Variants in AFG1L observed in about 807,000 individuals in gnomAD.
AFG1L encodes the protein AFG1-like ATPase.
In AFG1L, 53 loss-of-function variants were observed where a neutral mutation model predicts 62.2. The ratio of observed to expected loss-of-function variants is 0.85; its 90% confidence interval spans 0.68 to 1.07. The LOEUF is 1.07. Among genes scored for constraint, AFG1L ranks in the 50% least tolerant of loss-of-function variants. AFG1L has a pLI of 0.00. For missense variants in AFG1L, 555 were observed against 590.5 expected (o/e 0.94, Z 0.62); for synonymous variants, 228 against 210.3 (o/e 1.08, Z -0.73).
intron 6 of AFG1L, among the ~76,000 whole-genome samples, chr6:108,390,430 G>A (rs942712110): frequency 3.9e-5 from 6 of 152,218 alleles, no homozygotes; most frequent in African/African-American, 7.2e-5. Flanking sequence ...TTCCTTTGGA[G>A]GGGGAGAGGT....
At chr6:108,351,684 T>C (rs1459942752) in intron 3 of AFG1L, among the ~76,000 whole-genome samples, 1 of 152,204 alleles carries the variant, frequency 6.6e-6, no homozygotes, top group African/African-American at 2.4e-5. Context: ...AATAAGCATA[T>C]TAACTATATG....
chr6:108,380,410 A>G (rs546362436), intron 6 of AFG1L, among the ~76,000 whole-genome samples: 104 of 152,324 alleles, frequency 6.8e-4, no homozygotes, highest in African/African-American at 2.2e-3. Context: ...GGGGCACCCA[A>G]TAATGGCACA....
intron 2 of AFG1L, among the ~76,000 whole-genome samples, chr6:108,332,397 A>G (rs972064357): frequency 2.0e-5 from 3 of 152,236 alleles, no homozygotes; most frequent in Non-Finnish European, 2.9e-5. Flanking sequence ...CAGAATATAC[A>G]TGGGAACTTG....
intron 5 of AFG1L, among the ~76,000 whole-genome samples, chr6:108,363,640 A>G (rs914456948): frequency 1.3e-4 from 20 of 152,218 alleles, no homozygotes; most frequent in African/African-American, 4.8e-4. Flanking sequence ...TGATTTTTAA[A>G]AATGTTATTT....
At position 108,445,828 on chromosome 6, in the gene AFG1L, A is replaced by G. The variant is rs139166947; in HGVS notation, c.808-1386A>G. Among the ~76,000 whole-genome samples the G allele has an allele frequency of 4.2e-3, 644 of 152,302 alleles. 3 individuals carry two copies. Among genetic ancestry groups the G allele is most frequent in the Non-Finnish European group, 7.6e-3 (516 of 68,008 alleles). ...ATCACATAATATGTGATCACCGATCATATAATTAATGACATAATTTTTAAA... is the reference window on the plus strand; with the variant it reads ...ATCACATAATATGTGATCACCGATCGTATAATTAATGACATAATTTTTAAA... On this transcript the variant is annotated intron_variant, in intron 7 of 12. Transcript: ENST00000368977.
At chr6:108,432,196 G>A (rs1405892688) in intron 7 of AFG1L, among the ~76,000 whole-genome samples, 1 of 151,946 alleles carries the variant, frequency 6.6e-6, no homozygotes, top group African/African-American at 2.4e-5. Context: ...TACAATATGG[G>A]TTGGAAACCC....
chr6:108,515,057 T>A (rs1774820596), intron 11 of AFG1L, among the ~76,000 whole-genome samples: 3 of 152,188 alleles, frequency 2.0e-5, no homozygotes. Context: ...TGGGAGACTC[T>A]AACACCCCAC....
chr6:108,477,254 A>G lies in AFG1L; in HGVS notation c.1024A>G (p.Thr342Ala), dbSNP rs200742546. ...GCTGCGCCTGAATAAAGCCTGTGGA[A>G]CCGTTGCCGACTGCACATTTGAAGA... ...RELRLNKACGTVADCTFEELC... is the reference protein window; with the variant it reads ...RELRLNKACGAVADCTFEELC... The change falls in exon 10 of 13, where the codon ACC becomes GCC. Residue 342 changes from threonine to alanine, a missense_variant. Transcript: ENST00000368977. 12 of 1,609,782 alleles carry G rather than the reference A, an allele frequency of 7.5e-6. No individual in the cohort carries two copies. The highest frequency in any genetic ancestry group is 1.0e-5 in the Non-Finnish European group (12 of 1,176,894).
At chr6:108,489,376 G>A (rs1050988617) in intron 10 of AFG1L, among the ~76,000 whole-genome samples, 9 of 152,222 alleles carry the variant, frequency 5.9e-5, no homozygotes, top group Admixed American at 5.2e-4. Flanking sequence ...GATTTTCGCT[G>A]CTACGCATCA....
chr6:108,461,390 A>G (rs1020766254), intron 8 of AFG1L, among the ~76,000 whole-genome samples: 2 of 152,224 alleles, frequency 1.3e-5, no homozygotes, highest in African/African-American at 4.8e-5. Context: ...TGTATATTAT[A>G]AACAACTACA....
In AFG1L at chr6:108,295,284, C is replaced by G. The variant is rs75646229; in HGVS notation, c.139+66C>G. 2.3e-4 allele frequency: 347 copies of G among 1,513,312 alleles called. 1 individual carries two copies. In the African/African-American group the frequency reaches 4.5e-3, roughly 19 times the overall value. 93.7% of individuals were successfully genotyped at this position (1,513,312 alleles called of 1,614,324 possible). A position where few individuals can be genotyped will look rare whatever the true frequency, so the allele number is the denominator to read the frequency against. ...TGACTGGAGAAGCCTCTGGGATTAC[C>G]CTCCCTGTCCGATCTACCCCAGGTG... On this transcript the variant is annotated intron_variant, in intron 1 of 12. Transcript: ENST00000368977.
intron 6 of AFG1L, among the ~76,000 whole-genome samples, chr6:108,379,885 G>A (rs961280146): frequency 2.6e-5 from 4 of 152,080 alleles, no homozygotes; most frequent in Admixed American, 2.6e-4. Flanking sequence ...CTGAATGCCT[G>A]GAGATCTGCC....
Position 108,381,230 on chromosome 6 carries a change from CAGAG to C in AFG1L, c.748+14903_748+14906del, listed in dbSNP as rs553973866. On this transcript the variant is annotated intron_variant, in intron 6 of 12. Coordinates refer to ENST00000368977, the MANE Select transcript of AFG1L (RefSeq NM_145315.5). ...TGAAAAGTTTCAGATAAAATATACA[CAGAG>C]AGAGTTCGTATTTAATTTCTTATTT... 6.6e-5 allele frequency among the ~76,000 whole-genome samples: 10 copies of C among 152,256 alleles called. No homozygotes were observed. The South Asian group carries it at 1.9e-3, about 28-fold the overall frequency.
chr6:108,337,545 A>G (rs1769148040), intron 2 of AFG1L, among the ~76,000 whole-genome samples: 1 of 152,196 alleles, frequency 6.6e-6, no homozygotes, highest in African/African-American at 2.4e-5. Flanking sequence ...GTTGAATTGT[A>G]TGAAATTGAA....
At chr6:108,424,147 G>A (rs1770716629) in intron 7 of AFG1L, among the ~76,000 whole-genome samples, 1 of 151,946 alleles carries the variant, frequency 6.6e-6, no homozygotes, top group Admixed American at 6.6e-5. Context: ...GGCAATCTTT[G>A]TGGACCTGGC....
intron 10 of AFG1L, among the ~76,000 whole-genome samples, chr6:108,489,776 G>A (rs995551157): frequency 2.0e-5 from 3 of 152,192 alleles, no homozygotes; most frequent in African/African-American, 7.2e-5. Context: ...AAACCAAAAT[G>A]CTACAGGTAG....
At chr6:108,480,536 A>T (rs1352498322) in intron 10 of AFG1L, among the ~76,000 whole-genome samples, 1 of 152,136 alleles carries the variant, frequency 6.6e-6, no homozygotes, top group Non-Finnish European at 1.5e-5. Context: ...TTTGGACTCT[A>T]TCTTAAAGTG....
intron 10 of AFG1L, among the ~76,000 whole-genome samples, 191 bp from the exon 11 acceptor site, chr6:108,510,021 T>C (rs12194877): frequency 0.67 from 101,816 of 151,984 alleles, 36,112 homozygotes; most frequent in African/African-American, 0.92. Context: ...AACTACATGC[T>C]CAAGGAAAAT....
intron 7 of AFG1L, among the ~76,000 whole-genome samples, chr6:108,427,230 G>A (rs1770859524): frequency 6.6e-6 from 1 of 152,064 alleles, no homozygotes; most frequent in South Asian, 2.1e-4. Context: ...AGCCTTCTGA[G>A]TAGCCAGGAC....
Sources: gnomAD v4.1 joint callset for allele counts (sites outside exome capture counted in the v4.1 genomes callset) on GRCh38, gnomAD v4.1.1 for gene constraint, MANE v1.5 for transcripts, NCBI Gene and HGNC (gene_info 2026-07-23, HGNC 2026-07-21) for gene names.